The following FOXP1 variants were observed in gnomAD, a reference collection of about 807,000 sequenced individuals.
FOXP1 encodes the protein forkhead box P1.
A neutral mutation model predicts 98.2 loss-of-function variants in FOXP1; 15 were observed. That is an observed-to-expected ratio of 0.15 (90% CI 0.10 to 0.24). FOXP1 has a LOEUF of 0.24. Among genes scored for constraint, FOXP1 ranks in the 10% least tolerant of loss-of-function variants. The probability of loss-of-function intolerance (pLI) is 1.00; values close to 1 mark genes in which losing one functional copy is unlikely to be tolerated. For synonymous variants in FOXP1, 371 were observed against 314.5 expected, an observed-to-expected ratio of 1.18 and a Z score of -1.90; for missense variants, 633 against 848.5, an observed-to-expected ratio of 0.75 and a Z score of 3.15.
Position 70,988,093 on chromosome 3 carries a change from T to C in FOXP1, c.1063-16A>G, listed in dbSNP as rs747131146. 2 of 1,611,916 alleles carry C rather than the reference T, an allele frequency of 1.2e-6. No individual in the cohort carries two copies. Among genetic ancestry groups the C allele is most frequent in the South Asian group, 2.2e-5 (2 of 91,014 alleles). ...CTTTTGCAAGCTGGCAAGAAGAAAA[T>C]GCTTTGTTATTTCTCTGAATAAAGA... On this transcript the variant is annotated splice_polypyrimidine_tract_variant and intron_variant, in intron 13 of 20. Transcript: ENST00000649528.
At chr3:71,354,497 T>C (rs894024405) in intron 4 of FOXP1, among the ~76,000 whole-genome samples, 5 of 152,246 alleles carry the variant, frequency 3.3e-5, no homozygotes, top group African/African-American at 9.6e-5. Flanking sequence ...TTGAGGTTTC[T>C]AGCATGTGCT....
intron 5 of FOXP1, among the ~76,000 whole-genome samples, chr3:71,225,157 A>G (rs1353399196): frequency 6.6e-6 from 1 of 152,258 alleles, no homozygotes; most frequent in Non-Finnish European, 1.5e-5. Flanking sequence ...GGGAGGCGGC[A>G]GTGTGAGAGA....
At position 70,956,667 on chromosome 3, in the gene FOXP1, C is replaced by T. The variant is rs1447167406; in HGVS notation, c.*2580G>A. ...AACCAGCAACCACTCAGTTTAGAAG[C>T]ACAGGGCCCCCTTCCCATGACCCTG... On this transcript the variant is annotated 3_prime_UTR_variant, in exon 21 of 21. Coordinates refer to ENST00000649528, the MANE Select transcript of FOXP1 (RefSeq NM_001349338.3). The T allele has an allele frequency of 4.9e-6, 1 of 204,976 alleles. No individual in the cohort carries two copies. Among genetic ancestry groups the T allele is most frequent in the Non-Finnish European group, 9.6e-6 (1 of 104,114 alleles). The allele number at this position is 204,976 out of a possible 1,614,324, so 12.7% of individuals were successfully genotyped here.
At chr3:71,134,935 A>G (rs148269191) in intron 6 of FOXP1, among the ~76,000 whole-genome samples, 234 of 152,222 alleles carry the variant, frequency 1.5e-3, no homozygotes, top group East Asian at 4.8e-3. Context: ...CCTCACATAC[A>G]TTTCTAGACA....
At chr3:71,125,443 A>G (rs2107857198) in intron 6 of FOXP1, among the ~76,000 whole-genome samples, 1 of 152,338 alleles carries the variant, frequency 6.6e-6, no homozygotes, top group Non-Finnish European at 1.5e-5. Context: ...ACACGTATAG[A>G]AAAATATATT....
In FOXP1 at chr3:70,992,621, C is replaced by A. The variant is rs555806135; in HGVS notation, c.1063-4544G>T. 1.4e-4 allele frequency among the ~76,000 whole-genome samples: 21 copies of A among 152,212 alleles called. No individual in the cohort carries two copies. The South Asian group carries it at 4.2e-3, about 30-fold the overall frequency. On this transcript the variant is annotated intron_variant, in intron 13 of 20. Coordinates refer to ENST00000649528, the MANE Select transcript of FOXP1 (RefSeq NM_001349338.3). The stretch of plus-strand genomic sequence containing the variant: ...GGTGGGCAATATATGGCTCATTGCA[C>A]CCCAATCGAAGAATTTCCCTACTTT...
At chr3:71,459,831 G>A (rs1206028272) in intron 3 of FOXP1, among the ~76,000 whole-genome samples, 2 of 152,042 alleles carry the variant, frequency 1.3e-5, no homozygotes, top group Non-Finnish European at 2.9e-5. Context: ...GGAAATGAAT[G>A]CTGATTTGTT....
At chr3:71,373,546 T>C (rs2079496011) in intron 3 of FOXP1, among the ~76,000 whole-genome samples, 1 of 152,196 alleles carries the variant, frequency 6.6e-6, no homozygotes, top group South Asian at 2.1e-4. Flanking sequence ...GATTTTTCTA[T>C]AGTTATAAAA....
chr3:71,068,590 G>C (rs2052840236), intron 7 of FOXP1, among the ~76,000 whole-genome samples: 1 of 152,210 alleles, frequency 6.6e-6, no homozygotes, highest in Non-Finnish European at 1.5e-5. Context: ...TGTGTGATCA[G>C]AGGCCAAAAC....
chr3:71,198,232 G>T lies in FOXP1; in HGVS notation c.150C>A (p.Asp50Glu), dbSNP rs2063419459. The change falls in exon 6 of 21, where the codon GAC (aspartate) becomes GAA (glutamate). Residue 50 changes from aspartate to glutamate, a missense_variant. Physicochemically the swap from Asp to Glu is conservative, Grantham distance 45. Transcript: ENST00000649528. ...GCTGCTGCTGCTGGGCGTGGGCGAG[G>T]TCAGCTGCCCCGATGTCCACGGCCG... ...ETPAVDIGAA[D>E]LAHAQQQQQQ... 1.9e-6 allele frequency: 3 copies of T among 1,614,092 alleles called. No homozygotes were observed. Among genetic ancestry groups the T allele is most frequent in the Non-Finnish European group, 2.5e-6 (3 of 1,180,050 alleles).
intron 5 of FOXP1, among the ~76,000 whole-genome samples, chr3:71,288,605 C>T (rs1413044505): frequency 6.6e-6 from 1 of 152,196 alleles, no homozygotes; most frequent in African/African-American, 2.4e-5. Flanking sequence ...ATAAACACAT[C>T]CCACTTTCCT....
At chr3:71,096,336 C>G (rs1259589719) in intron 7 of FOXP1, among the ~76,000 whole-genome samples, 2 of 152,058 alleles carry the variant, frequency 1.3e-5, no homozygotes, top group Admixed American at 6.5e-5. Flanking sequence ...TGCTTGGGCC[C>G]CATCCTAAGA....
At chr3:71,395,631 T>G (rs116180444) in intron 3 of FOXP1, among the ~76,000 whole-genome samples, 9 of 152,258 alleles carry the variant, frequency 5.9e-5, no homozygotes, top group African/African-American at 2.2e-4. Flanking sequence ...GTTTGTTTAG[T>G]ATCTGTACCC....
chr3:71,293,992 AT>A (rs1260716231), intron 5 of FOXP1, among the ~76,000 whole-genome samples: 2 of 152,228 alleles, frequency 1.3e-5, no homozygotes, highest in African/African-American at 2.4e-5. Context: ...CCTTGAAAAC[AT>A]TTTGCTAAGT....
At chr3:71,341,866 T>C (rs1202897049) in intron 4 of FOXP1, among the ~76,000 whole-genome samples, 1 of 152,202 alleles carries the variant, frequency 6.6e-6, no homozygotes, top group African/African-American at 2.4e-5. Context: ...AGGTTTGAAG[T>C]TGTATTATCT....
chr3:71,025,151 A>C (rs1290239034), intron 11 of FOXP1, among the ~76,000 whole-genome samples: 1 of 152,222 alleles, frequency 6.6e-6, no homozygotes, highest in South Asian at 2.1e-4. Flanking sequence ...GTATATGCAG[A>C]CAAGCCAAAA....
chr3:71,259,623 T>G (rs2068927573), intron 5 of FOXP1, among the ~76,000 whole-genome samples: 1 of 152,110 alleles, frequency 6.6e-6, no homozygotes, highest in Non-Finnish European at 1.5e-5. Flanking sequence ...ATAGACGAAC[T>G]AGATGGTTTG....
rs947858659 is a variant in FOXP1 at position 70,957,929 on chromosome 3, G to A, written c.*1318C>T. ...TGCCACCAAGTAGGTCTGAACTAAT[G>A]TATAAACTCAGCGCCGCCGCCGCCA... On this transcript the variant is annotated 3_prime_UTR_variant, in exon 21 of 21. Coordinates refer to ENST00000649528, the MANE Select transcript of FOXP1 (RefSeq NM_001349338.3). 1.2e-5 allele frequency: 3 copies of A among 243,510 alleles called. No homozygotes were observed. Among genetic ancestry groups the A allele is most frequent in the Non-Finnish European group, 8.0e-6 (1 of 124,270 alleles). The allele number at this position is 243,510 out of a possible 1,614,324, so 15.1% of individuals were successfully genotyped here. A position where few individuals can be genotyped will look rare whatever the true frequency, so the allele number is the denominator to read the frequency against.
At chr3:71,307,485 A>G (rs1033296229) in intron 4 of FOXP1, among the ~76,000 whole-genome samples, 1 of 152,228 alleles carries the variant, frequency 6.6e-6, no homozygotes, top group African/African-American at 2.4e-5. Flanking sequence ...CCAAAGACCC[A>G]GAGAATAAAA....
Sources: gnomAD v4.1 joint callset for allele counts (sites outside exome capture counted in the v4.1 genomes callset) on GRCh38, gnomAD v4.1.1 for gene constraint, MANE v1.5 for transcripts, NCBI Gene and HGNC (gene_info 2026-07-23, HGNC 2026-07-21) for gene names.